The following ANKRD29 variants were observed in gnomAD, a reference collection of about 807,000 sequenced individuals.
ANKRD29 encodes ankyrin repeat domain 29.
In ANKRD29, 32 loss-of-function variants were observed where a neutral mutation model predicts 38.0. That is an observed-to-expected ratio of 0.84 (90% CI 0.64 to 1.13). ANKRD29 has a LOEUF of 1.13. Ranked by LOEUF, ANKRD29 falls within the 50% of genes most tolerant of loss-of-function variation. The pLI is 0.00. For missense variants in ANKRD29, 357 were observed against 377.9 expected (o/e 0.94, Z 0.46); for synonymous variants, 135 against 152.4 (o/e 0.89, Z 0.84).
intron 6 of ANKRD29, 28 bp downstream of exon 6, chr18:23,629,825 T>C (rs781205705): frequency 1.2e-6 from 2 of 1,602,890 alleles, no homozygotes; most frequent in South Asian, 2.2e-5. Flanking sequence ...CGCCATGTGC[T>C]CGGGCAAATG....
chr18:23,634,276 C>A (rs1341783157), intron 4 of ANKRD29, 127 bp from the exon 5 acceptor site: 5 of 447,532 alleles, frequency 1.1e-5, no homozygotes, highest in East Asian at 5.1e-5. Flanking sequence ...CTCACTTTCC[C>A]TGTTTTTTTT....
At chr18:23,656,669 A>T (rs997576415) in intron 1 of ANKRD29, among the ~76,000 whole-genome samples, 2 of 152,250 alleles carry the variant, frequency 1.3e-5, no homozygotes, top group African/African-American at 4.8e-5. Context: ...AAATTAAATG[A>T]GTAACTTACA....
At chr18:23,628,328 G>A (rs775769808) in intron 6 of ANKRD29, among the ~76,000 whole-genome samples, 10 of 152,044 alleles carry the variant, frequency 6.6e-5, no homozygotes, top group Non-Finnish European at 1.3e-4. Flanking sequence ...CTCCTTATGT[G>A]CTTGGGCTTC....
At chr18:23,627,584 C>A (rs1381294951) in intron 6 of ANKRD29, among the ~76,000 whole-genome samples, 4 of 152,092 alleles carry the variant, frequency 2.6e-5, no homozygotes, top group African/African-American at 9.7e-5. Flanking sequence ...ATGGCTCATG[C>A]AACATTTGAA....
At chr18:23,656,667 T>A (rs2060287985) in intron 1 of ANKRD29, among the ~76,000 whole-genome samples, 1 of 152,202 alleles carries the variant, frequency 6.6e-6, no homozygotes, top group South Asian at 2.1e-4. Flanking sequence ...GTAAATTAAA[T>A]GAGTAACTTA....
intron 9 of ANKRD29, among the ~76,000 whole-genome samples, chr18:23,607,203 G>A (rs11661969): frequency 0.046 from 7,009 of 152,264 alleles, 224 homozygotes; most frequent in Non-Finnish European, 0.069. Flanking sequence ...GCCGATGCTG[G>A]ATTCAATCAC....
At chr18:23,646,132 GA>G (rs35177137) in intron 3 of ANKRD29, 56 bp downstream of exon 3, 1 of 1,529,166 alleles carries the variant, frequency 6.5e-7, no homozygotes, top group Non-Finnish European at 9.0e-7. Flanking sequence ...TCACTATCAT[GA>G]AAACTTCAGA....
chr18:23,658,419 A>G (rs141770835), intron 1 of ANKRD29, among the ~76,000 whole-genome samples: 127 of 152,312 alleles, frequency 8.3e-4, no homozygotes, highest in Non-Finnish European at 1.3e-3. Flanking sequence ...AAGCAAAAAC[A>G]AAAACAAAAA....
At chr18:23,625,442 A>G (rs2059850962) in intron 6 of ANKRD29, among the ~76,000 whole-genome samples, 1 of 152,006 alleles carries the variant, frequency 6.6e-6, no homozygotes, top group South Asian at 2.1e-4. Context: ...GACCACATAC[A>G]AGATAAGTAA....
intron 3 of ANKRD29, among the ~76,000 whole-genome samples, chr18:23,639,872 A>G (rs1447040850): frequency 6.6e-6 from 1 of 152,224 alleles, no homozygotes; most frequent in African/African-American, 2.4e-5. Context: ...TTATAGAACC[A>G]GAAAGTATGA....
intron 1 of ANKRD29, among the ~76,000 whole-genome samples, chr18:23,655,935 T>C (rs2060274955): frequency 6.7e-6 from 1 of 148,612 alleles, no homozygotes; most frequent in Non-Finnish European, 1.5e-5. Flanking sequence ...CTACTAAAAA[T>C]ACAAAAAATT....
chr18:23,658,095 G>A (rs1042010056), intron 1 of ANKRD29, among the ~76,000 whole-genome samples: 8 of 152,124 alleles, frequency 5.3e-5, no homozygotes, highest in South Asian at 2.1e-4. Flanking sequence ...TCCCACTGTC[G>A]TATTTTAGAA....
Position 23,604,084 on chromosome 18 carries a change from C to T in ANKRD29, c.823-2775G>A, listed in dbSNP as rs143087055. On this transcript the variant is annotated intron_variant, in intron 9 of 9. Coordinates refer to ENST00000592179, the MANE Select transcript of ANKRD29 (RefSeq NM_173505.4). ...CTCGAACTCCTGACCTCAAGTGATG[C>T]GCCTGCCTCGGCCTCCCAAACTGCT... Among the ~76,000 whole-genome samples, 721 of 152,242 alleles carry T rather than the reference C, an allele frequency of 4.7e-3. 3 individuals are homozygous for T. The highest frequency in any genetic ancestry group is 8.1e-3 in the Non-Finnish European group (551 of 68,014).
intron 2 of ANKRD29, 71 bp from the exon 3 acceptor site, chr18:23,646,358 C>A: frequency 7.2e-7 from 1 of 1,383,002 alleles, no homozygotes; most frequent in Non-Finnish European, 1.0e-6. Context: ...AGAGAAGATG[C>A]TGCAGAGATG....
Position 23,623,648 on chromosome 18 carries a change from GT to G in ANKRD29, c.529-4020del, listed in dbSNP as rs1237514164. Among the ~76,000 whole-genome samples the G allele has an allele frequency of 1.2e-3, 178 of 145,044 alleles. No homozygotes were observed. The East Asian group carries it at 0.012, about 10-fold the overall frequency. On this transcript the variant is annotated intron_variant, in intron 6 of 9. Coordinates refer to ENST00000592179, the MANE Select transcript of ANKRD29 (RefSeq NM_173505.4). The stretch of plus-strand genomic sequence containing the variant: ...AAAAAAAAGAACAATGATTTCATAT[GT>G]TTTTTTTTTTTGAGACGGAGTCTTG...
chr18:23,638,885 G>A lies in ANKRD29; in HGVS notation c.294C>T (p.Leu98=), dbSNP rs761930421. The A allele has an allele frequency of 6.2e-7, 1 of 1,612,946 alleles. No homozygotes were observed. The highest frequency in any genetic ancestry group is 8.5e-7 in the Non-Finnish European group (1 of 1,179,760). Reference sequence around the variant, plus strand: ...ATTCAGTGGATGCTCCAAATCCAAAGAGAAATCTCACGACATCATTATGGC... The same window carrying A: ...ATTCAGTGGATGCTCCAAATCCAAAAAGAAATCTCACGACATCATTATGGC... ...QQGHNDVVRF[L]FGFGASTEFR... is the part of the protein sequence containing the mutation. Residue 98 remains leucine, a synonymous_variant, in exon 4 of 10, where the codon CTC becomes CTT. Transcript: ENST00000592179.
chr18:23,639,079 A>G (rs1480273040), intron 3 of ANKRD29, 132 bp from the exon 4 acceptor site: 3 of 590,124 alleles, frequency 5.1e-6, no homozygotes, highest in Non-Finnish European at 8.3e-6. Context: ...AAATTTGAAC[A>G]GATTCTTATT....
chr18:23,607,477 G>A (rs1250086616), intron 9 of ANKRD29, among the ~76,000 whole-genome samples: 3 of 152,160 alleles, frequency 2.0e-5, no homozygotes, highest in Non-Finnish European at 2.9e-5. Flanking sequence ...GGAGAAGGGA[G>A]CTTAAGAAGC....
chr18:23,623,467 T>C (rs1292909562), intron 6 of ANKRD29, among the ~76,000 whole-genome samples: 2 of 152,022 alleles, frequency 1.3e-5, no homozygotes, highest in Non-Finnish European at 2.9e-5. Flanking sequence ...TTCCTTCTGG[T>C]ATAATGGTTA....
Sources: allele counts gnomAD v4.1 joint callset (sites outside exome capture counted in the v4.1 genomes callset), GRCh38; gene constraint gnomAD v4.1.1; transcripts MANE v1.5; gene names NCBI Gene and HGNC (gene_info 2026-07-23, HGNC 2026-07-21).